ATF1: variants seen among roughly 807,000 people sequenced by gnomAD.
ATF1 encodes the protein cyclic AMP-dependent transcription factor ATF-1.
ATF1 carries 16 observed loss-of-function variants against 34.7 expected under a neutral mutation model. The ratio of observed to expected loss-of-function variants is 0.46; its 90% CI spans 0.31 to 0.70. The LOEUF (loss-of-function observed/expected upper bound fraction) is 0.70, where lower values mean the gene tolerates loss of function less well. Ranked by LOEUF, ATF1 falls within the 30% of genes least tolerant of loss-of-function variation. The pLI, the probability that ATF1 is intolerant of heterozygous loss-of-function variation, is 0.05. For missense variants in ATF1, 255 were observed against 321.6 expected, an observed-to-expected ratio of 0.79 and a Z score of 1.58; for synonymous variants, 105 against 113.1, an observed-to-expected ratio of 0.93 and a Z score of 0.46.
At chr12:50,807,638 C>T (rs906726972) in intron 3 of ATF1, among the ~76,000 whole-genome samples, 1 of 151,914 alleles carries the variant, frequency 6.6e-6, no homozygotes, top group African/African-American at 2.4e-5. Context: ...TAAGGGCTTT[C>T]TTTTTCCTTT....
At chr12:50,809,339 A>G (rs1256498961) in intron 3 of ATF1, 117 bp from the exon 4 acceptor site, 3 of 903,010 alleles carry the variant, frequency 3.3e-6, no homozygotes, top group Admixed American at 5.9e-5. Flanking sequence ...GCGCCACTGT[A>G]CTCCAGCCTG....
At chr12:50,809,067 A>C (rs1463614037) in intron 3 of ATF1, among the ~76,000 whole-genome samples, 1 of 152,080 alleles carries the variant, frequency 6.6e-6, no homozygotes. Context: ...CTGAGATTGA[A>C]AAAGTTTTAG....
At chr12:50,772,128 C>G (rs1275624121) in intron 1 of ATF1, among the ~76,000 whole-genome samples, 1 of 152,108 alleles carries the variant, frequency 6.6e-6, no homozygotes, top group Non-Finnish European at 1.5e-5. Flanking sequence ...CTGTTGGGGT[C>G]TGGATTGGGA....
At chr12:50,770,367 C>T (rs1262355419) in intron 1 of ATF1, among the ~76,000 whole-genome samples, 1 of 152,182 alleles carries the variant, frequency 6.6e-6, no homozygotes. Flanking sequence ...TACACAGTGC[C>T]TGTACAGGGT....
chr12:50,763,964 A>AGCGCGGTGACGCAGGACGGCGGCCC (rs1426848809), upstream of ATF1: 2 of 152,338 alleles, frequency 1.3e-5, no homozygotes, highest in African/African-American at 4.8e-5. Context: ...TCACGTGGGC[A>AGCGCGGTGACGCAGGACGGCGGCCC]GCGCGGTGAC....
chr12:50,814,180 G>A lies in ATF1; in HGVS notation c.499G>A (p.Val167Met), dbSNP rs765693263. The part of the protein sequence containing the change: ...GQQILVPSNQ[V>M]VVQTASGDMQ... ...GCAGATACTTGTGCCCAGCAATCAG[G>A]TGGTCGTACAAAGTAAGTATGCTTT... Residue 167 changes from valine (V) to methionine (M), a missense_variant, in exon 5 of 7, where the codon GTG becomes ATG. Physicochemically the swap from Val to Met is conservative, Grantham distance 21. Transcript: ENST00000262053. 1 of 1,614,000 alleles carries A rather than the reference G, an allele frequency of 6.2e-7. No homozygotes were observed. Among genetic ancestry groups the A allele is most frequent in the Non-Finnish European group, 8.5e-7 (1 of 1,179,920 alleles).
chr12:50,783,548 A>C (rs917619697), intron 2 of ATF1, among the ~76,000 whole-genome samples: 1 of 152,190 alleles, frequency 6.6e-6, no homozygotes, highest in African/African-American at 2.4e-5. Flanking sequence ...CTAGATAGTA[A>C]ATCATTTTAT....
intron 1 of ATF1, among the ~76,000 whole-genome samples, chr12:50,767,498 A>G (rs758065466): frequency 2.7e-4 from 41 of 152,190 alleles, no homozygotes; most frequent in Non-Finnish European, 5.7e-4. Context: ...CCAGCCTGGC[A>G]ACAGAGCGAG....
intron 1 of ATF1, 46 bp from the exon 2 acceptor site, chr12:50,780,094 A>T: frequency 7.1e-7 from 1 of 1,415,638 alleles, no homozygotes; most frequent in Admixed American, 1.7e-5. Flanking sequence ...TACTGTAAAC[A>T]TTCTGTATCA....
At chr12:50,764,403 T>TGGGGGTCGCGCGCCC in intron 1 of ATF1, 96 bp downstream of exon 1, 1 of 102,094 alleles carries the variant, frequency 9.8e-6, no homozygotes, top group South Asian at 3.5e-4. Context: ...GTCGCGCGCC[T>TGGGGGTCGCGCGCCC]GGTGGGGGTC....
At chr12:50,789,479 T>A (rs1941255967) in intron 2 of ATF1, among the ~76,000 whole-genome samples, 1 of 152,072 alleles carries the variant, frequency 6.6e-6, no homozygotes, top group Non-Finnish European at 1.5e-5. Context: ...AGTATGAAGT[T>A]CTGGCAGAGT....
chr12:50,814,280 C>T lies in ATF1; in HGVS notation c.512C>T (p.Thr171Ile). 1 of 1,614,110 alleles carries T rather than the reference C, an allele frequency of 6.2e-7. No individual in the cohort carries two copies. Among genetic ancestry groups the T allele is most frequent in the Non-Finnish European group, 8.5e-7 (1 of 1,179,984 alleles). ...TCATTCACTCTTGTTTACCATCTAG[C>T]TGCATCAGGAGATATGCAAACATAT... is the stretch of plus-strand genomic sequence containing the variant. ...LVPSNQVVVQ[T>I]ASGDMQTYQI... Residue 171 changes from threonine (T) to isoleucine (I), a missense_variant and splice_region_variant, in exon 6 of 7, where the codon ACT becomes ATT. Transcript: ENST00000262053.
chr12:50,782,550 C>A (rs1168202966), intron 2 of ATF1, among the ~76,000 whole-genome samples: 2 of 139,292 alleles, frequency 1.4e-5, no homozygotes, highest in Admixed American at 7.4e-5. Context: ...CCACCACACC[C>A]GGCCTTTTTT....
intron 2 of ATF1, among the ~76,000 whole-genome samples, chr12:50,783,865 T>TA (rs762089428): frequency 0.29 from 32,773 of 113,472 alleles, 4,243 homozygotes; most frequent in Middle Eastern, 0.35. Context: ...AAACTCCGTC[T>TA]GAAAAAAAAA....
intron 2 of ATF1, among the ~76,000 whole-genome samples, chr12:50,793,633 CAA>C (rs10711973): frequency 1.9e-3 from 227 of 118,716 alleles, no homozygotes; most frequent in South Asian, 3.0e-3. Context: ...GACTCCATCT[CAA>C]AAAAAAAAAA....
intron 6 of ATF1, among the ~76,000 whole-genome samples, chr12:50,815,576 G>A (rs1241722574): frequency 1.3e-5 from 2 of 151,238 alleles, no homozygotes; most frequent in East Asian, 1.9e-4. Flanking sequence ...TCTTGTAGAG[G>A]TGGGGTTTTG....
chr12:50,796,006 A>G lies in ATF1; in HGVS notation c.191A>G (p.Tyr64Cys). Residue 64 changes from tyrosine to cysteine, a missense_variant, in exon 3 of 7, where the codon TAC becomes TGC. Physicochemically the swap from Tyr to Cys is radical, Grantham distance 194. Transcript: ENST00000262053. ...AHGILARRPS[Y>C]RKILKDLSSE... ...GGGATCCTAGCACGGCGCCCATCTT[A>G]CAGGTGAGTACTCTCTTGTATGAAG... 6.2e-7 allele frequency: 1 copy of G among 1,603,962 alleles called. No individual in the cohort carries two copies. Among genetic ancestry groups the G allele is most frequent in the Non-Finnish European group, 8.5e-7 (1 of 1,175,542 alleles).
chr12:50,772,711 G>A (rs1940806734), intron 1 of ATF1, among the ~76,000 whole-genome samples: 2 of 151,760 alleles, frequency 1.3e-5, no homozygotes, highest in Non-Finnish European at 2.9e-5. Flanking sequence ...TTTAAGAGAC[G>A]GGTGTCTCAC....
At chr12:50,808,039 A>T (rs1941653585) in intron 3 of ATF1, among the ~76,000 whole-genome samples, 1 of 151,922 alleles carries the variant, frequency 6.6e-6, no homozygotes, top group African/African-American at 2.4e-5. Flanking sequence ...TGAACTCCGG[A>T]CCTCAGGTGA....
Sources: allele counts gnomAD v4.1 joint callset (sites outside exome capture counted in the v4.1 genomes callset), GRCh38; gene constraint gnomAD v4.1.1; transcripts MANE v1.5; gene names NCBI Gene and HGNC (gene_info 2026-07-23, HGNC 2026-07-21).